CDC42: variants seen among roughly 807,000 people sequenced by gnomAD.
CDC42 encodes the protein cell division cycle 42.
CDC42 carries 1 observed loss-of-function variant against 20.8 expected under a neutral mutation model. That is an observed-to-expected ratio of 0.05 (90% CI 0.02 to 0.23). The LOEUF is 0.23. Among genes scored for constraint, CDC42 ranks in the 10% least tolerant of loss-of-function variants. The pLI, the probability that CDC42 is intolerant of heterozygous loss-of-function variation, is 1.00. For missense variants in CDC42, 49 were observed against 227.9 expected, an observed-to-expected ratio of 0.21 and a Z score of 5.05; for synonymous variants, 72 against 84.8, an observed-to-expected ratio of 0.85 and a Z score of 0.83.
intron 1 of CDC42, among the ~76,000 whole-genome samples, chr1:22,069,293 A>G (rs1344384082): frequency 2.8e-5 from 4 of 144,502 alleles, no homozygotes; most frequent in African/African-American, 1.0e-4. Context: ...CTCCTGCCTC[A>G]CCCTCCCAAA....
intron 2 of CDC42, among the ~76,000 whole-genome samples, chr1:22,080,400 ACTTTC>A (rs1323975549): frequency 1.3e-5 from 2 of 152,170 alleles, no homozygotes; most frequent in Non-Finnish European, 2.9e-5. Flanking sequence ...TTAAGAACCG[ACTTTC>A]CTTTAACTGT....
intron 5 of CDC42, chr1:22,090,001 C>T: frequency 1.2e-6 from 2 of 1,614,066 alleles, no homozygotes; most frequent in South Asian, 1.1e-5. Context: ...CCTCCGGAAA[C>T]TCAACCCAAA....
intron 1 of CDC42, among the ~76,000 whole-genome samples, chr1:22,077,544 T>G (rs1355309484): frequency 6.6e-6 from 1 of 152,168 alleles, no homozygotes; most frequent in Non-Finnish European, 1.5e-5. Context: ...TTGGGTGGTG[T>G]TTCTTTTTAT....
chr1:22,055,372 C>T (rs1328440984), intron 1 of CDC42, among the ~76,000 whole-genome samples: 1 of 151,778 alleles, frequency 6.6e-6, no homozygotes, highest in African/African-American at 2.4e-5. Flanking sequence ...TCTGTTTATA[C>T]TCTTAAAATG....
chr1:22,083,330 C>T (rs569322004), intron 3 of CDC42, among the ~76,000 whole-genome samples: 65 of 151,914 alleles, frequency 4.3e-4, no homozygotes, highest in African/African-American at 1.4e-3. Flanking sequence ...AGGCCAGGCG[C>T]GGTGGCTCAC....
At position 22,071,042 on chromosome 1, in the gene CDC42, C is replaced by CCTTCTTT. The variant is rs1645485286; in HGVS notation, c.-50-7387_-50-7386insCTTCTTT. Among the ~76,000 whole-genome samples the CCTTCTTT allele has an allele frequency of 7.9e-5, 4 of 50,606 alleles. No homozygotes were observed. The Admixed American group carries it at 1.1e-3, about 14-fold the overall frequency. The allele number at this position is 50,606 out of a possible 152,430, so 33.2% of individuals were successfully genotyped here. On this transcript the variant is annotated intron_variant, in intron 1 of 5. Coordinates refer to ENST00000656825, the MANE Select transcript of CDC42 (RefSeq NM_001791.4). Reference sequence around the variant, plus strand: ...GAGGAACAAGCATTTCTTTTTTTTTCTTTCTTTTTTTTTTTTTTTGAGATG... The same window carrying CCTTCTTT: ...GAGGAACAAGCATTTCTTTTTTTTTCCTTCTTTTTTCTTTTTTTTTTTTTTTGAGATG...
intron 1 of CDC42, among the ~76,000 whole-genome samples, chr1:22,070,192 A>G (rs1645469907): frequency 6.6e-6 from 1 of 152,220 alleles, no homozygotes; most frequent in Admixed American, 6.5e-5. Context: ...TCAGAAATAA[A>G]TAGTAACTTC....
intron 1 of CDC42, among the ~76,000 whole-genome samples, chr1:22,057,919 G>C (rs1372384573): frequency 6.6e-6 from 1 of 151,684 alleles, no homozygotes; most frequent in Non-Finnish European, 1.5e-5. Flanking sequence ...AGGTGGGGGG[G>C]TTTCACCATG....
At chr1:22,066,198 CAGAG>C (rs1645421790) in intron 1 of CDC42, among the ~76,000 whole-genome samples, 1 of 152,120 alleles carries the variant, frequency 6.6e-6, no homozygotes, top group Admixed American at 6.6e-5. Context: ...GTTGTTCTCT[CAGAG>C]AGCTTAAAAT....
intron 1 of CDC42, among the ~76,000 whole-genome samples, chr1:22,063,761 T>A (rs1323221902): frequency 6.6e-6 from 1 of 152,170 alleles, no homozygotes; most frequent in Non-Finnish European, 1.5e-5. Flanking sequence ...GCTCTTGTCA[T>A]CCAGGCTGGA....
At chr1:22,066,394 G>A (rs902194291) in intron 1 of CDC42, among the ~76,000 whole-genome samples, 8 of 152,020 alleles carry the variant, frequency 5.3e-5, no homozygotes, top group Admixed American at 5.2e-4. Context: ...AAATCTATTA[G>A]AATAAAGTAA....
intron 1 of CDC42, among the ~76,000 whole-genome samples, chr1:22,069,578 TC>T (rs1411245110): frequency 1.3e-5 from 2 of 148,890 alleles, no homozygotes; most frequent in Admixed American, 6.7e-5. Flanking sequence ...CCCCTCAGCC[TC>T]CCCAGTAGTT....
chr1:22,079,488 G>C (rs187602006), intron 2 of CDC42, among the ~76,000 whole-genome samples: 2 of 152,134 alleles, frequency 1.3e-5, no homozygotes, highest in Non-Finnish European at 2.9e-5. Context: ...AGGAAGATGG[G>C]AATAACAAAA....
chr1:22,070,636 T>C (rs2152828985), intron 1 of CDC42, among the ~76,000 whole-genome samples: 1 of 151,874 alleles, frequency 6.6e-6, no homozygotes. Context: ...GCTGATTTTT[T>C]TGTATTTTTA....
chr1:22,081,707 T>A lies in CDC42; in HGVS notation c.106-15T>A, dbSNP rs370073568. 4.0e-4 allele frequency: 628 copies of A among 1,560,858 alleles called. 1 individual carries two copies. Among genetic ancestry groups the A allele is most frequent in the Non-Finnish European group, 5.0e-4 (570 of 1,133,096 alleles). ...CTCCTTGCACACTAACAGTGTTGTA[T>A]TTTTTTGTTTTTAGGTTTTTGACAA... is the stretch of plus-strand genomic sequence containing the variant. On this transcript the variant is annotated splice_polypyrimidine_tract_variant and intron_variant, in intron 2 of 5. Transcript: ENST00000656825.
In CDC42 at chr1:22,094,315, T is replaced by TTTTTTTTTTTTTTTTTTTTTG. The variant is rs1491326062; in HGVS notation, c.*2798_*2799insTTTTTTTTTTTTTTTTTTTTG. On this transcript the variant is annotated 3_prime_UTR_variant, in exon 6 of 6. Transcript: ENST00000656825. ...ATAGATTTTTTTTTTTTTTTTTTTT[T>TTTTTTTTTTTTTTTTTTTTTG]GAGACGGAGTCTCGCTCTGTCGCCC... is the stretch of plus-strand genomic sequence containing the variant. 9.2e-6 allele frequency among the ~76,000 whole-genome samples: 1 copy of TTTTTTTTTTTTTTTTTTTTTG among 109,078 alleles called. No individual in the cohort carries two copies. The highest frequency in any genetic ancestry group is 3.7e-5 in the African/African-American group (1 of 27,320). The allele number at this position is 109,078 out of a possible 152,430, so 71.6% of individuals were successfully genotyped here. A position where few individuals can be genotyped will look rare whatever the true frequency, so the allele number is the denominator to read the frequency against.
chr1:22,066,774 C>T (rs1299235986), intron 1 of CDC42, among the ~76,000 whole-genome samples: 2 of 152,004 alleles, frequency 1.3e-5, no homozygotes, highest in Admixed American at 6.6e-5. Context: ...GTAAAGACTT[C>T]AAGGCATGGC....
chr1:22,068,536 T>C (rs945232835), intron 1 of CDC42: 1 of 153,018 alleles, frequency 6.5e-6, no homozygotes, highest in African/African-American at 2.4e-5. Flanking sequence ...TCATCTTCAA[T>C]TTCTGCTTTG....
chr1:22,089,695 G>C (rs1427789794), intron 5 of CDC42, among the ~76,000 whole-genome samples: 2 of 152,176 alleles, frequency 1.3e-5, no homozygotes, highest in African/African-American at 4.8e-5. Context: ...AAATGTGTTA[G>C]AAGTCAACAT....
Sources: gnomAD v4.1 joint callset for allele counts (sites outside exome capture counted in the v4.1 genomes callset) on GRCh38, gnomAD v4.1.1 for gene constraint, MANE v1.5 for transcripts, NCBI Gene and HGNC (gene_info 2026-07-23, HGNC 2026-07-21) for gene names.